The following THSD7B variants were observed in gnomAD, a reference collection of about 807,000 sequenced individuals.
THSD7B encodes thrombospondin type-1 domain-containing protein 7B.
THSD7B carries 138 observed loss-of-function variants against 213.6 expected under a neutral mutation model. The ratio of observed to expected loss-of-function variants is 0.65; its 90% CI spans 0.56 to 0.74. The LOEUF is 0.74. Among genes scored for constraint, THSD7B ranks in the 30% least tolerant of loss-of-function variants. The pLI is 0.00. For synonymous variants in THSD7B, 742 were observed against 687.0 expected, an observed-to-expected ratio of 1.08 and a Z score of -1.25; for missense variants, 1,931 against 1,991.5, an observed-to-expected ratio of 0.97 and a Z score of 0.58.
intron 3 of THSD7B, among the ~76,000 whole-genome samples, chr2:137,072,713 C>G (rs1167115131): frequency 6.6e-6 from 1 of 152,070 alleles, no homozygotes; most frequent in East Asian, 1.9e-4. Context: ...CAGTTTTTGC[C>G]CATTCAGTAT....
intron 2 of THSD7B, among the ~76,000 whole-genome samples, chr2:137,007,067 T>G (rs1390407973): frequency 6.6e-6 from 1 of 152,212 alleles, no homozygotes; most frequent in Non-Finnish European, 1.5e-5. Flanking sequence ...TTTGAAGGTA[T>G]TGCATTTAAA....
chr2:137,379,102 T>C (rs1463936688), intron 12 of THSD7B, among the ~76,000 whole-genome samples: 4 of 152,084 alleles, frequency 2.6e-5, no homozygotes, highest in Admixed American at 6.6e-5. Flanking sequence ...AGTGAAGGGG[T>C]ATTTTTCAAC....
At chr2:137,185,990 T>A (rs565467963) in intron 7 of THSD7B, among the ~76,000 whole-genome samples, 1 of 152,324 alleles carries the variant, frequency 6.6e-6, no homozygotes, top group South Asian at 2.1e-4. Flanking sequence ...TGATTAGTGA[T>A]GTTGAGCATT....
chr2:137,552,956 G>A (rs1045501210), intron 15 of THSD7B, among the ~76,000 whole-genome samples: 1 of 152,176 alleles, frequency 6.6e-6, no homozygotes, highest in Non-Finnish European at 1.5e-5. Context: ...CATTGAATTA[G>A]GGGATGGGGA....
intron 15 of THSD7B, among the ~76,000 whole-genome samples, chr2:137,516,489 A>C (rs778497310): frequency 2.0e-5 from 3 of 152,194 alleles, no homozygotes; most frequent in Non-Finnish European, 4.4e-5. Flanking sequence ...GCACTGGGGA[A>C]AGGAAAATGA....
intron 15 of THSD7B, among the ~76,000 whole-genome samples, chr2:137,487,374 CAAAA>C (rs35759254): frequency 3.0e-5 from 1 of 33,168 alleles, no homozygotes; most frequent in African/African-American, 1.5e-4. Flanking sequence ...GACTCCGTCT[CAAAA>C]AAAAAAAAAA....
intron 1 of THSD7B, among the ~76,000 whole-genome samples, chr2:136,809,470 C>G (rs1356464522): frequency 6.6e-6 from 1 of 152,070 alleles, no homozygotes. Flanking sequence ...AGACTTCAAC[C>G]AAATTTAATG....
intron 1 of THSD7B, among the ~76,000 whole-genome samples, chr2:136,857,249 G>T (rs1683191889): frequency 6.6e-6 from 1 of 152,182 alleles, no homozygotes; most frequent in African/African-American, 2.4e-5. Flanking sequence ...CAAACAAAAT[G>T]ATCTGTCCTT....
At chr2:137,094,768 G>T in intron 3 of THSD7B, 105 bp from the exon 4 acceptor site, 3 of 1,402,974 alleles carry the variant, frequency 2.1e-6, no homozygotes, top group South Asian at 1.4e-5. Flanking sequence ...CCTATTAAAC[G>T]CTTAAATCAA....
intron 7 of THSD7B, among the ~76,000 whole-genome samples, chr2:137,183,853 T>C (rs919554527): frequency 1.3e-5 from 2 of 152,202 alleles, no homozygotes; most frequent in African/African-American, 4.8e-5. Flanking sequence ...TCTAACATTT[T>C]ACTTTGGGCT....
At chr2:137,620,534 C>A (rs1470293494) in intron 19 of THSD7B, 75 bp from the exon 20 acceptor site, 8 of 1,154,786 alleles carry the variant, frequency 6.9e-6, no homozygotes, top group African/African-American at 1.5e-5. Flanking sequence ...AAAGGAAAGT[C>A]TTTCCCATGA....
chr2:136,972,995 A>G (rs568638230), intron 2 of THSD7B, among the ~76,000 whole-genome samples: 3 of 152,134 alleles, frequency 2.0e-5, no homozygotes, highest in Non-Finnish European at 4.4e-5. Flanking sequence ...AACATTTGGT[A>G]TGTCTGTGGT....
At position 137,187,410 on chromosome 2, in the gene THSD7B, G is replaced by A. The variant is rs189519903; in HGVS notation, c.1723+16472G>A. Among the ~76,000 whole-genome samples, 132 of 152,304 alleles carry A rather than the reference G, an allele frequency of 8.7e-4. 1 individual carries two copies. The highest frequency in any genetic ancestry group is 2.7e-3 in the Admixed American group (42 of 15,300). ...AAGTTTTTTACAAAGCTCAAGAGCA[G>A]CACTTCCTTTTAAGGGATTAGAGGG... is the stretch of plus-strand genomic sequence containing the variant. On this transcript the variant is annotated intron_variant, in intron 7 of 27. Coordinates refer to ENST00000409968, the MANE Select transcript of THSD7B (RefSeq NM_001316349.2).
chr2:137,074,327 T>C (rs1432905115), intron 3 of THSD7B, among the ~76,000 whole-genome samples: 3 of 152,194 alleles, frequency 2.0e-5, no homozygotes, highest in African/African-American at 7.2e-5. Context: ...TTAATCCCTT[T>C]ACCATTATGT....
intron 12 of THSD7B, among the ~76,000 whole-genome samples, chr2:137,291,404 A>G (rs1225590105): frequency 1.3e-5 from 2 of 152,120 alleles, no homozygotes; most frequent in Non-Finnish European, 2.9e-5. Context: ...TTATATCCCC[A>G]GTGCCCCAAA....
At chr2:137,308,581 A>AT (rs1319869314) in intron 12 of THSD7B, among the ~76,000 whole-genome samples, 14 of 151,978 alleles carry the variant, frequency 9.2e-5, no homozygotes, top group African/African-American at 3.4e-4. Context: ...ACAAGCAACA[A>AT]TTTTTTGTTT....
At chr2:137,229,817 G>T (rs1229069320) in intron 7 of THSD7B, among the ~76,000 whole-genome samples, 1 of 152,138 alleles carries the variant, frequency 6.6e-6, no homozygotes, top group Non-Finnish European at 1.5e-5. Context: ...AGAGTTTCTT[G>T]TGAGGACTCA....
At chr2:137,199,369 C>G (rs1450065299) in intron 7 of THSD7B, among the ~76,000 whole-genome samples, 2 of 152,098 alleles carry the variant, frequency 1.3e-5, no homozygotes, top group Non-Finnish European at 2.9e-5. Context: ...AAGTAAGTCC[C>G]CTTCTCAAAA....
chr2:137,102,876 A>G (rs1022913345), intron 4 of THSD7B, among the ~76,000 whole-genome samples: 2 of 152,200 alleles, frequency 1.3e-5, no homozygotes, highest in South Asian at 2.1e-4. Context: ...TCCAAGAACC[A>G]TGGAACTATG....
Sources: allele counts gnomAD v4.1 joint callset (sites outside exome capture counted in the v4.1 genomes callset), GRCh38; gene constraint gnomAD v4.1.1; transcripts MANE v1.5; gene names NCBI Gene and HGNC (gene_info 2026-07-23, HGNC 2026-07-21).